Variants in CNTN6 observed in about 807,000 individuals in gnomAD.
CNTN6 encodes contactin-6.
CNTN6 carries 137 observed loss-of-function variants against 122.8 expected under a neutral mutation model. That is an observed-to-expected ratio of 1.12 (90% CI 0.97 to 1.29). The LOEUF (loss-of-function observed/expected upper bound fraction) is 1.29, where lower values mean the gene tolerates loss of function less well. Ranked by LOEUF, CNTN6 falls within the 50% of genes most tolerant of loss-of-function variation. The probability of loss-of-function intolerance (pLI) is 0.00; values close to 1 mark genes in which losing one functional copy is unlikely to be tolerated. For missense variants in CNTN6, 1,634 were observed against 1,223.4 expected (o/e 1.34, Z -5.01); for synonymous variants, 570 against 426.0 (o/e 1.34, Z -4.16).
chr3:1,356,887 G>C (rs559569673), intron 12 of CNTN6, among the ~76,000 whole-genome samples: 1 of 151,856 alleles, frequency 6.6e-6, no homozygotes, highest in African/African-American at 2.4e-5. Context: ...GTGATGCTGC[G>C]TGAATTATTG....
At chr3:1,395,722 G>A (rs1397045661) in intron 20 of CNTN6, among the ~76,000 whole-genome samples, 1 of 152,166 alleles carries the variant, frequency 6.6e-6, no homozygotes, top group Non-Finnish European at 1.5e-5. Flanking sequence ...AGATTAGGAT[G>A]TGATCATGTT....
At chr3:1,109,620 AAAAATTTACATTATT>A (rs1228221496) in intron 1 of CNTN6, among the ~76,000 whole-genome samples, 3 of 152,032 alleles carry the variant, frequency 2.0e-5, no homozygotes, top group African/African-American at 7.2e-5. Context: ...TAGAACACAC[AAAAATTTACATTATT>A]TATTTTCTCT....
At chr3:1,187,734 A>T (rs996925308) in intron 2 of CNTN6, among the ~76,000 whole-genome samples, 4 of 152,176 alleles carry the variant, frequency 2.6e-5, no homozygotes, top group African/African-American at 9.7e-5. Flanking sequence ...GGTGTTTTTA[A>T]ACACAGTGTG....
At chr3:1,228,190 A>T (rs1248077148) in intron 4 of CNTN6, among the ~76,000 whole-genome samples, 197 bp downstream of exon 4, 2 of 152,206 alleles carry the variant, frequency 1.3e-5, no homozygotes, top group East Asian at 1.9e-4. Flanking sequence ...GAATAAAAAA[A>T]ACAGGGAAAA....
intron 11 of CNTN6, among the ~76,000 whole-genome samples, chr3:1,340,133 A>G (rs575149909): frequency 6.6e-6 from 1 of 152,288 alleles, no homozygotes; most frequent in Non-Finnish European, 1.5e-5. Context: ...TCAGTAAGTG[A>G]TAGAAAAACA....
chr3:1,187,252 C>G (rs2093641502), intron 2 of CNTN6, among the ~76,000 whole-genome samples: 2 of 152,128 alleles, frequency 1.3e-5, no homozygotes, highest in East Asian at 1.9e-4. Flanking sequence ...TTTTTGTAAC[C>G]CACACCAGTT....
At chr3:1,290,117 C>T (rs566941851) in intron 5 of CNTN6, among the ~76,000 whole-genome samples, 2 of 152,182 alleles carry the variant, frequency 1.3e-5, no homozygotes, top group Non-Finnish European at 2.9e-5. Flanking sequence ...TGGAGCCCAG[C>T]GGCTTGTGGT....
Position 1,352,585 on chromosome 3 carries a change from C to T in CNTN6, c.1492+134C>T, listed in dbSNP as rs1705826670. 1.0e-5 allele frequency: 10 copies of T among 976,670 alleles called. No homozygotes were observed. The East Asian group carries it at 2.8e-4, about 28-fold the overall frequency. 60.5% of individuals were successfully genotyped at this position (976,670 alleles called of 1,614,324 possible). On this transcript the variant is annotated intron_variant, in intron 12 of 22. Coordinates refer to ENST00000446702, the MANE Select transcript of CNTN6 (RefSeq NM_001289080.2). ...GATTTCACAAGTTATCTAAGAGATC[C>T]ATTCCCGTACTCATTAATAACATGC...
chr3:1,098,046 CT>C (rs1559303588), intron 1 of CNTN6, among the ~76,000 whole-genome samples: 2 of 148,970 alleles, frequency 1.3e-5, no homozygotes, highest in East Asian at 4.0e-4. Context: ...AATGGTATTT[CT>C]GTATACACCA....
At chr3:1,336,284 A>C (rs1703055660) in intron 11 of CNTN6, among the ~76,000 whole-genome samples, 1 of 147,014 alleles carries the variant, frequency 6.8e-6, no homozygotes, top group South Asian at 2.1e-4. Context: ...CACTTTACAT[A>C]TCTCAAAACA....
chr3:1,149,656 CAAAGATTTGGGGTT>C (rs1486456435), intron 2 of CNTN6, among the ~76,000 whole-genome samples: 2 of 151,954 alleles, frequency 1.3e-5, no homozygotes, highest in Non-Finnish European at 2.9e-5. Context: ...GTCTCTGTAA[CAAAGATTTGGGGTT>C]AAATAATAGT....
Position 1,373,763 on chromosome 3 carries a change from G to A in CNTN6, c.1945+1G>A, listed in dbSNP as rs1709454549. The A allele has an allele frequency of 6.3e-7, 1 of 1,593,488 alleles. No homozygotes were observed. The highest frequency in any genetic ancestry group is 8.5e-7 in the Non-Finnish European group (1 of 1,170,796). ...GTGGGTTGGCAGGCTGTTGCTACAG[G>A]TGAGTGACAAAAGTGTTTTGGGTCA... On this transcript the variant is annotated splice_donor_variant, in intron 15 of 22. Coordinates refer to ENST00000446702, the MANE Select transcript of CNTN6 (RefSeq NM_001289080.2). LOFTEE classifies it high-confidence loss of function.
Position 1,352,368 on chromosome 3 carries a change from C to T in CNTN6, c.1409C>T (p.Thr470Ile), listed in dbSNP as rs369248893. The part of the protein sequence containing the change: ...EDGSLKIYNI[T>I]RSDAGSYTCI... ...GGCAGCCTCAAGATATATAATATTA[C>T]CAGGTCAGATGCTGGATCATATACA... The change falls in exon 12 of 23, where the codon ACC becomes ATC. Residue 470 changes from threonine (T) to isoleucine (I), a missense_variant. Coordinates refer to ENST00000446702, the MANE Select transcript of CNTN6 (RefSeq NM_001289080.2). 6.9e-6 allele frequency: 11 copies of T among 1,582,936 alleles called. No individual in the cohort carries two copies. The East Asian group carries it at 1.6e-4, about 23-fold the overall frequency.
intron 7 of CNTN6, among the ~76,000 whole-genome samples, chr3:1,315,054 T>G (rs551118566): frequency 6.6e-6 from 1 of 152,084 alleles, no homozygotes; most frequent in Non-Finnish European, 1.5e-5. Flanking sequence ...AAGGGAAATG[T>G]TGCCAGAAAC....
In CNTN6 at chr3:1,365,575, G is replaced by A. The variant is rs561561929; in HGVS notation, c.1493-6724G>A. ...AAGATATACTTCCATTTCTATGTAC[G>A]AACACTGTATGTATCAAGAAATGTT... On this transcript the variant is annotated intron_variant, in intron 12 of 22. Transcript: ENST00000446702. Among the ~76,000 whole-genome samples the A allele has an allele frequency of 4.6e-4, 70 of 151,864 alleles. 1 individual carries two copies. Among genetic ancestry groups the A allele is most frequent in the African/African-American group, 1.5e-3 (61 of 41,456 alleles).
intron 20 of CNTN6, among the ~76,000 whole-genome samples, chr3:1,387,309 G>C (rs1197530881): frequency 1.3e-5 from 2 of 152,094 alleles, no homozygotes; most frequent in Non-Finnish European, 2.9e-5. Flanking sequence ...TTATTTTCAA[G>C]AATGGATTAG....
At chr3:1,173,196 C>T in intron 2 of CNTN6, 1 of 456,430 alleles carries the variant, frequency 2.2e-6, no homozygotes, top group Non-Finnish European at 4.4e-6. Context: ...CTATTTGTTT[C>T]ATCCTAGAAA....
At chr3:1,101,259 G>T (rs2090879843) in intron 1 of CNTN6, among the ~76,000 whole-genome samples, 1 of 152,120 alleles carries the variant, frequency 6.6e-6, no homozygotes, top group African/African-American at 2.4e-5. Flanking sequence ...GCTATGTAAT[G>T]CAAAGGACCC....
chr3:1,390,679 A>G (rs543825992), intron 20 of CNTN6, among the ~76,000 whole-genome samples: 2 of 152,142 alleles, frequency 1.3e-5, no homozygotes, highest in Non-Finnish European at 2.9e-5. Context: ...TAATAAAGAA[A>G]AAGAGAAGAA....
Sources: allele counts gnomAD v4.1 joint callset (sites outside exome capture counted in the v4.1 genomes callset), GRCh38; gene constraint gnomAD v4.1.1; transcripts MANE v1.5; gene names NCBI Gene and HGNC (gene_info 2026-07-23, HGNC 2026-07-21).